Variants in STPG2 observed in about 807,000 individuals in gnomAD.
STPG2 encodes the protein sperm tail PG-rich repeat containing 2.
STPG2 carries 56 observed loss-of-function variants against 54.2 expected under a neutral mutation model. That is an observed-to-expected ratio of 1.03 (90% CI 0.83 to 1.29). The LOEUF is 1.29. Among genes scored for constraint, STPG2 ranks in the 50% most tolerant of loss-of-function variants. STPG2 has a pLI of 0.00. For missense variants in STPG2, 596 were observed against 544.9 expected, an observed-to-expected ratio of 1.09 and a Z score of -0.93; for synonymous variants, 200 against 181.8, an observed-to-expected ratio of 1.10 and a Z score of -0.81.
chr4:97,940,847 C>A (rs2149228909), intron 8 of STPG2, among the ~76,000 whole-genome samples: 1 of 151,064 alleles, frequency 6.6e-6, no homozygotes, highest in South Asian at 2.1e-4. Flanking sequence ...ATATGTCATA[C>A]ATGAGCTAAA....
intron 9 of STPG2, among the ~76,000 whole-genome samples, chr4:97,745,895 G>A (rs1342757918): frequency 6.6e-6 from 1 of 151,140 alleles, no homozygotes; most frequent in Non-Finnish European, 1.5e-5. Context: ...GAAAAATAAA[G>A]AGTTAATCTT....
intron 5 of STPG2, among the ~76,000 whole-genome samples, chr4:98,036,587 A>G (rs1158920048): frequency 6.6e-6 from 1 of 152,072 alleles, no homozygotes; most frequent in East Asian, 1.9e-4. Flanking sequence ...ATTCTGTCTT[A>G]TAAGTGGGAG....
At chr4:98,025,057 T>C (rs1423598032) in intron 5 of STPG2, among the ~76,000 whole-genome samples, 6 of 152,204 alleles carry the variant, frequency 3.9e-5, no homozygotes, top group East Asian at 1.9e-4. Flanking sequence ...AGAATAAAAA[T>C]GGGGAGGATA....
intron 9 of STPG2, among the ~76,000 whole-genome samples, chr4:97,752,308 C>A (rs1309446248): frequency 6.6e-6 from 1 of 151,684 alleles, no homozygotes; most frequent in Non-Finnish European, 1.5e-5. Flanking sequence ...TTATAATATT[C>A]TGTCATAATG....
intron 9 of STPG2, among the ~76,000 whole-genome samples, chr4:97,818,328 T>C (rs1013733069): frequency 6.6e-6 from 1 of 151,966 alleles, no homozygotes; most frequent in Non-Finnish European, 1.5e-5. Context: ...TTTTTTCCTA[T>C]ATATACATAT....
At chr4:97,710,424 T>C (rs1724076904) in intron 10 of STPG2, among the ~76,000 whole-genome samples, 1 of 152,060 alleles carries the variant, frequency 6.6e-6, no homozygotes, top group South Asian at 2.1e-4. Context: ...TCCAGATTTT[T>C]GCAAATATAA....
At position 98,048,462 on chromosome 4, in the gene STPG2, T is replaced by G. The variant is rs148695228; in HGVS notation, c.612+57491A>C. On this transcript the variant is annotated intron_variant, in intron 5 of 10. Coordinates refer to ENST00000295268, the MANE Select transcript of STPG2 (RefSeq NM_174952.3). ...ACAAAAGAAAGTACACATAAAAAAT[T>G]TTGAGAGATCTTGGTGGGTTCCCTG... 650 of 152,506 alleles carry G rather than the reference T, an allele frequency of 4.3e-3. 3 individuals are homozygous for G. The highest frequency in any genetic ancestry group is 0.024 in the South Asian group (118 of 4,828). 9.4% of individuals were successfully genotyped at this position (152,506 alleles called of 1,614,324 possible).
chr4:97,941,684 A>G (rs1732990873), intron 8 of STPG2, among the ~76,000 whole-genome samples: 1 of 152,072 alleles, frequency 6.6e-6, no homozygotes, highest in Admixed American at 6.6e-5. Context: ...CATAAGTAAA[A>G]TACCTGGGAG....
At chr4:97,848,159 A>G (rs1221159061) in intron 8 of STPG2, among the ~76,000 whole-genome samples, 2 of 152,198 alleles carry the variant, frequency 1.3e-5, no homozygotes, top group African/African-American at 2.4e-5. Flanking sequence ...GCAAATTTAC[A>G]ACTGTAAAAG....
chr4:97,872,730 A>G (rs1431150248), intron 8 of STPG2, among the ~76,000 whole-genome samples: 1 of 151,316 alleles, frequency 6.6e-6, no homozygotes, highest in Non-Finnish European at 1.5e-5. Context: ...ATTTTTATGA[A>G]TCTACACATT....
At chr4:97,984,904 C>G (rs1410771803) in intron 5 of STPG2, among the ~76,000 whole-genome samples, 1 of 152,172 alleles carries the variant, frequency 6.6e-6, no homozygotes, top group Non-Finnish European at 1.5e-5. Context: ...TACAAATAAA[C>G]AGCAGCATAC....
intron 5 of STPG2, among the ~76,000 whole-genome samples, chr4:98,033,640 G>A (rs1412615653): frequency 1.3e-5 from 2 of 151,324 alleles, no homozygotes; most frequent in Non-Finnish European, 3.0e-5. Context: ...ACCTGGCAGA[G>A]ACAACAAAAA....
Position 98,007,736 on chromosome 4 carries a change from G to A in STPG2, c.613-26418C>T, listed in dbSNP as rs114612567. Among the ~76,000 whole-genome samples the A allele has an allele frequency of 8.5e-3, 1,285 of 151,614 alleles. 4 individuals carry two copies. The highest frequency in any genetic ancestry group is 0.015 in the Non-Finnish European group (987 of 67,878). On this transcript the variant is annotated intron_variant, in intron 5 of 10. Transcript: ENST00000295268. ...CAGAAGATCAATTCAGAATATGAAT[G>A]AGAAATTTACCAAACAGATAGATAT...
chr4:97,984,498 C>T (rs982391534), intron 5 of STPG2, among the ~76,000 whole-genome samples: 4 of 152,130 alleles, frequency 2.6e-5, no homozygotes, highest in African/African-American at 7.2e-5. Context: ...CAGCCCCCAT[C>T]GAAGACTGAT....
intron 10 of STPG2, among the ~76,000 whole-genome samples, chr4:97,576,213 T>C (rs925689857): frequency 1.3e-5 from 2 of 151,766 alleles, no homozygotes; most frequent in Admixed American, 6.6e-5. Flanking sequence ...TTCAATGATA[T>C]TGCTATCAAA....
intron 10 of STPG2, among the ~76,000 whole-genome samples, chr4:97,653,808 T>C (rs1722140474): frequency 6.6e-6 from 1 of 151,956 alleles, no homozygotes; most frequent in African/African-American, 2.4e-5. Flanking sequence ...ATGTGGGAGG[T>C]GCTGTAAGCA....
chr4:97,539,786 C>G (rs989833973), intron 4 of STPG2, among the ~76,000 whole-genome samples: 1 of 151,336 alleles, frequency 6.6e-6, no homozygotes, highest in East Asian at 1.9e-4. Flanking sequence ...ATTCTCAGAC[C>G]AAAGTGCAAT....
intron 4 of STPG2, among the ~76,000 whole-genome samples, chr4:97,501,988 A>G (rs1730735011): frequency 6.6e-6 from 1 of 152,000 alleles, no homozygotes; most frequent in Non-Finnish European, 1.5e-5. Flanking sequence ...GAAACAAAAT[A>G]AAAAGTCAAA....
At chr4:98,092,964 G>T (rs1190833682) in intron 5 of STPG2, among the ~76,000 whole-genome samples, 2 of 152,036 alleles carry the variant, frequency 1.3e-5, no homozygotes, top group Non-Finnish European at 2.9e-5. Context: ...TAATTTTTAG[G>T]CATTTGTTTT....
Sources: gnomAD v4.1 joint callset for allele counts (sites outside exome capture counted in the v4.1 genomes callset) on GRCh38, gnomAD v4.1.1 for gene constraint, MANE v1.5 for transcripts, NCBI Gene and HGNC (gene_info 2026-07-23, HGNC 2026-07-21) for gene names.